The following TAOK1 variants were observed in gnomAD, a reference collection of about 807,000 sequenced individuals.
The protein encoded by TAOK1 is TAO kinase 1.
Under a neutral mutation model 138.3 loss-of-function variants are expected in TAOK1, and 21 were observed. The ratio of observed to expected loss-of-function variants is 0.15; its 90% confidence interval spans 0.11 to 0.22. The LOEUF is 0.22. TAOK1 is among the 10% of genes least tolerant of loss of function. The probability of loss-of-function intolerance (pLI) is 1.00; values close to 1 mark genes in which losing one functional copy is unlikely to be tolerated. For missense variants in TAOK1, 651 were observed against 1,227.7 expected, an observed-to-expected ratio of 0.53 and a Z score of 7.02; for synonymous variants, 361 against 398.4, an observed-to-expected ratio of 0.91 and a Z score of 1.12.
At chr17:29,541,937 C>G (rs1199713966) in intron 19 of TAOK1, among the ~76,000 whole-genome samples, 1 of 151,736 alleles carries the variant, frequency 6.6e-6, no homozygotes, top group Non-Finnish European at 1.5e-5. Context: ...TGCAGTGGCA[C>G]GATCTCGGCT....
At chr17:29,482,701 A>T (rs2031088535) in intron 8 of TAOK1, among the ~76,000 whole-genome samples, 1 of 151,968 alleles carries the variant, frequency 6.6e-6, no homozygotes, top group Non-Finnish European at 1.5e-5. Flanking sequence ...TGTCATACCT[A>T]CATACCATTT....
At chr17:29,474,735 A>C (rs1169704645) in intron 3 of TAOK1, among the ~76,000 whole-genome samples, 5 of 152,170 alleles carry the variant, frequency 3.3e-5, no homozygotes, top group African/African-American at 9.7e-5. Context: ...AAAAGTTTCA[A>C]ATATTGTGAG....
chr17:29,427,950 T>G (rs115425221), intron 1 of TAOK1, among the ~76,000 whole-genome samples: 2,414 of 147,204 alleles, frequency 0.016, 49 homozygotes, highest in African/African-American at 0.046. Flanking sequence ...AAAAGAAGAA[T>G]AATTTTATTA....
chr17:29,394,150 G>GT (rs58117433), intron 1 of TAOK1, among the ~76,000 whole-genome samples: 1,731 of 48,200 alleles, frequency 0.036, 413 homozygotes, highest in Middle Eastern at 0.13. Context: ...TAATTTGCCA[G>GT]TTTTTTTTTT....
chr17:29,475,833 C>A, intron 4 of TAOK1, 62 bp downstream of exon 4: 2 of 1,203,426 alleles, frequency 1.7e-6, no homozygotes, highest in South Asian at 1.3e-5. Context: ...TGAATTAATT[C>A]AGAATATCTC....
At chr17:29,446,699 T>G (rs1436588278) in intron 1 of TAOK1, among the ~76,000 whole-genome samples, 2 of 151,976 alleles carry the variant, frequency 1.3e-5, no homozygotes, top group East Asian at 3.9e-4. Context: ...CGTACAACCA[T>G]GCTCCCATAA....
intron 1 of TAOK1, among the ~76,000 whole-genome samples, chr17:29,414,839 G>A (rs531316747): frequency 6.6e-6 from 1 of 152,258 alleles, no homozygotes; most frequent in African/African-American, 2.4e-5. Flanking sequence ...GATTACAGGC[G>A]TGAGCCACCG....
chr17:29,483,975 A>G (rs890566962), intron 8 of TAOK1, among the ~76,000 whole-genome samples: 1 of 152,136 alleles, frequency 6.6e-6, no homozygotes, highest in Non-Finnish European at 1.5e-5. Context: ...CGATGCATAC[A>G]TGTGCCCCTC....
intron 1 of TAOK1, among the ~76,000 whole-genome samples, chr17:29,412,571 TG>T (rs1446188734): frequency 6.6e-6 from 1 of 151,952 alleles, no homozygotes; most frequent in Non-Finnish European, 1.5e-5. Flanking sequence ...TTCCTTTTTT[TG>T]TAAGTACTTA....
At chr17:29,469,047 A>G (rs1307527638) in intron 3 of TAOK1, among the ~76,000 whole-genome samples, 1 of 152,114 alleles carries the variant, frequency 6.6e-6, no homozygotes, top group Non-Finnish European at 1.5e-5. Flanking sequence ...TATTCTACCT[A>G]ATTTCATAAA....
Position 29,548,348 on chromosome 17 carries a change from G to A in TAOK1, c.*5326G>A, listed in dbSNP as rs571626186. On this transcript the variant is annotated 3_prime_UTR_variant, in exon 20 of 20. Transcript: ENST00000261716. ...TTAAAACTGGGGAGCCATTTACTATGTCACCATCACTGTTAACTGTTTCCC... is the reference window on the plus strand; with the variant it reads ...TTAAAACTGGGGAGCCATTTACTATATCACCATCACTGTTAACTGTTTCCC... 2.6e-5 allele frequency: 4 copies of A among 152,068 alleles called. No homozygotes were observed. The highest frequency in any genetic ancestry group is 4.4e-5 in the Non-Finnish European group (3 of 67,946). 9.4% of individuals were successfully genotyped at this position (152,068 alleles called of 1,614,324 possible). A position where few individuals can be genotyped will look rare whatever the true frequency, so the allele number is the denominator to read the frequency against.
At chr17:29,465,128 ATTTTTTTTTTTT>A (rs57794003) in intron 2 of TAOK1, among the ~76,000 whole-genome samples, 9 of 63,098 alleles carry the variant, frequency 1.4e-4, no homozygotes, top group South Asian at 6.6e-4. Flanking sequence ...GTCTTATTTA[ATTTTTTTTTTTT>A]TTTTTTTTTT....
chr17:29,403,160 C>CAAAAA (rs34253777), intron 1 of TAOK1, among the ~76,000 whole-genome samples: 37 of 60,026 alleles, frequency 6.2e-4, no homozygotes, highest in East Asian at 1.1e-3. Context: ...GATTTTGTCT[C>CAAAAA]AAAAAAAAAA....
rs1331702589 is a variant in TAOK1, at chr17:29,495,672, T to C, written c.944T>C (p.Leu315Pro). ...DNLQYRKMKK[L>P]LFQEAHNGPA... ...CTGCAGTATCGAAAGATGAAGAAAC[T>C]CCTTTTCCAGGAGGCACATAATGGA... The change falls in exon 11 of 20, where the codon CTC (leucine) becomes CCC (proline). Residue 315 changes from leucine (L) to proline (P), a missense_variant. Physicochemically the swap from Leu to Pro is moderately conservative, Grantham distance 98 (BLOSUM62 -3). Coordinates refer to ENST00000261716, the MANE Select transcript of TAOK1 (RefSeq NM_020791.4). 6.2e-7 allele frequency: 1 copy of C among 1,611,012 alleles called. No homozygotes were observed. The highest frequency in any genetic ancestry group is 8.5e-7 in the Non-Finnish European group (1 of 1,177,988).
At chr17:29,424,614 GGTCAATAGTAGGAGATGCCTATTTTTGT>G (rs1905576387) in intron 1 of TAOK1, 1 of 151,984 alleles carries the variant, frequency 6.6e-6, no homozygotes, top group South Asian at 2.1e-4. Flanking sequence ...GAAAAAAGGA[GGTCAATAGTAGGAGATGCCTATTTTTGT>G]GTCATGTATT....
At chr17:29,456,413 T>C (rs2030377912) in intron 2 of TAOK1, among the ~76,000 whole-genome samples, 1 of 150,372 alleles carries the variant, frequency 6.7e-6, no homozygotes, top group Non-Finnish European at 1.5e-5. Flanking sequence ...GAAGTTTTCT[T>C]TCTTGGGAGG....
chr17:29,447,955 CTTTTTTTTTT>C (rs56163080), intron 1 of TAOK1, among the ~76,000 whole-genome samples: 4 of 93,270 alleles, frequency 4.3e-5, no homozygotes, highest in Non-Finnish European at 8.2e-5. Context: ...TGCACCTGGT[CTTTTTTTTTT>C]TTTTTTTTTT....
Position 29,508,023 on chromosome 17 carries a change from T to C in TAOK1, c.1466T>C (p.Met489Thr). 1 of 1,614,084 alleles carries C rather than the reference T, an allele frequency of 6.2e-7. No individual in the cohort carries two copies. ...CTGGAAAACAAGCTAAAGGCTGAGA[T>C]GGATGAACATCGCCTCAGATTAGAC... ...MTLENKLKAEMDEHRLRLDKD... is the reference protein window; with the variant it reads ...MTLENKLKAETDEHRLRLDKD... The change falls in exon 14 of 20, where the codon ATG becomes ACG. Residue 489 changes from methionine (M) to threonine (T), a missense_variant. Around this residue, in one of 8 missense-constraint regions of TAOK1, gnomAD observed 258 missense variants for 548.9 expected, o/e 0.47. Coordinates refer to ENST00000261716, the MANE Select transcript of TAOK1 (RefSeq NM_020791.4).
At chr17:29,501,013 G>A (rs2031513524) in intron 12 of TAOK1, among the ~76,000 whole-genome samples, 1 of 151,988 alleles carries the variant, frequency 6.6e-6, no homozygotes, top group Non-Finnish European at 1.5e-5. Flanking sequence ...CAGAGTTTCT[G>A]TTTGGGTTGA....
Sources: allele counts gnomAD v4.1 joint callset (sites outside exome capture counted in the v4.1 genomes callset), GRCh38; gene constraint gnomAD v4.1.1; regional missense constraint gnomAD v4.1.1; transcripts MANE v1.5; gene names NCBI Gene and HGNC (gene_info 2026-07-23, HGNC 2026-07-21).